Variants in RBFOX1 observed in about 807,000 individuals in gnomAD.
RBFOX1 encodes RNA binding fox-1 homolog 1.
RBFOX1 carries 8 observed loss-of-function variants against 57.7 expected under a neutral mutation model. The observed-to-expected ratio is 0.14, with a 90% confidence interval of 0.08 to 0.25. The LOEUF is 0.25. Among genes scored for constraint, RBFOX1 ranks in the 10% least tolerant of loss-of-function variants. The pLI is 1.00. For synonymous variants in RBFOX1, 326 were observed against 222.4 expected (o/e 1.47, Z -4.15); for missense variants, 611 against 548.5 (o/e 1.11, Z -1.14).
At chr16:7,485,851 C>T (rs936720806) in intron 4 of RBFOX1, among the ~76,000 whole-genome samples, 4 of 152,170 alleles carry the variant, frequency 2.6e-5, no homozygotes, top group Admixed American at 6.5e-5. Flanking sequence ...CAGCAAGTGT[C>T]GGTCTGCAGG....
intron 1 of RBFOX1, among the ~76,000 whole-genome samples, chr16:5,454,313 G>T (rs897472429): frequency 9.2e-5 from 14 of 152,182 alleles, no homozygotes; most frequent in African/African-American, 3.1e-4. Context: ...TAAACTTAGA[G>T]GCATAAAACA....
chr16:7,397,331 A>C (rs1597399493), intron 4 of RBFOX1, among the ~76,000 whole-genome samples: 1 of 152,292 alleles, frequency 6.6e-6, no homozygotes, highest in Non-Finnish European at 1.5e-5. Flanking sequence ...TTCACTTTGC[A>C]AGTGACTTTT....
chr16:6,726,417 G>C (rs1156233452), intron 3 of RBFOX1, among the ~76,000 whole-genome samples: 2 of 139,562 alleles, frequency 1.4e-5, no homozygotes, highest in Non-Finnish European at 1.6e-5. Context: ...TTTTAACTTT[G>C]CAAAGGAGAT....
At chr16:6,984,387 C>T (rs570650905) in intron 3 of RBFOX1, among the ~76,000 whole-genome samples, 1 of 152,258 alleles carries the variant, frequency 6.6e-6, no homozygotes, top group South Asian at 2.1e-4. Context: ...TCCTACAGCA[C>T]TACTGAGCAT....
chr16:6,832,237 G>A (rs2092758607), intron 3 of RBFOX1, among the ~76,000 whole-genome samples: 1 of 152,162 alleles, frequency 6.6e-6, no homozygotes, highest in South Asian at 2.1e-4. Context: ...AGTTTCTGAA[G>A]GGAACAACAC....
At chr16:7,274,323 T>G (rs1282148852) in intron 4 of RBFOX1, among the ~76,000 whole-genome samples, 3 of 152,236 alleles carry the variant, frequency 2.0e-5, no homozygotes, top group African/African-American at 7.2e-5. Context: ...ATCCCCATTT[T>G]ATTCTTGAGA....
intron 1 of RBFOX1, among the ~76,000 whole-genome samples, chr16:6,040,997 A>G (rs1477127888): frequency 2.0e-5 from 3 of 152,172 alleles, no homozygotes; most frequent in Non-Finnish European, 4.4e-5. Flanking sequence ...TGTTTTAGCT[A>G]TTATGACAGT....
rs115311619 is a variant in RBFOX1, at chr16:5,884,718, C to G, written c.351+17383C>G. Among the ~76,000 whole-genome samples, 643 of 152,190 alleles carry G rather than the reference C, an allele frequency of 4.2e-3. 2 individuals carry two copies. Among genetic ancestry groups the G allele is most frequent in the African/African-American group, 0.015 (619 of 41,528 alleles). Reference sequence around the variant, plus strand: ...TGTACTTTTGCCACAGTTGCCTGATCTGTAAATTGGAGTTGTAACAGGTGG... The same window carrying G: ...TGTACTTTTGCCACAGTTGCCTGATGTGTAAATTGGAGTTGTAACAGGTGG... On this transcript the variant is annotated intron_variant, in intron 4 of 19. Coordinates refer to the RBFOX1 transcript ENST00000641259.
In RBFOX1 at chr16:6,162,724, G is replaced by C. The variant is rs1337150144; in HGVS notation, c.-127+142732G>C. On this transcript the variant is annotated intron_variant, in intron 1 of 15. Coordinates refer to ENST00000550418, the MANE Select transcript of RBFOX1 (RefSeq NM_018723.4). ...ATGGAGGGGAATGGGCATACAATGT[G>C]CTTTTGCCTTTGTGTGTGCGTGTGT... 3.9e-5 allele frequency among the ~76,000 whole-genome samples: 6 copies of C among 152,012 alleles called. No individual in the cohort carries two copies. The East Asian group carries it at 9.7e-4, about 25-fold the overall frequency.
At chr16:5,969,568 T>A (rs1228076414) in intron 4 of RBFOX1, among the ~76,000 whole-genome samples, 3 of 150,770 alleles carry the variant, frequency 2.0e-5, no homozygotes, top group African/African-American at 7.3e-5. Context: ...ATGATCCGCC[T>A]GCCTCAACCT....
chr16:5,902,149 T>A (rs191950282), intron 4 of RBFOX1, among the ~76,000 whole-genome samples: 19 of 152,280 alleles, frequency 1.2e-4, no homozygotes, highest in African/African-American at 3.6e-4. Context: ...CTGCCATGAG[T>A]CAGAAAATAT....
intron 2 of RBFOX1, among the ~76,000 whole-genome samples, chr16:6,595,941 CTTTT>C (rs953053716): frequency 6.6e-6 from 1 of 151,866 alleles, no homozygotes; most frequent in African/African-American, 2.4e-5. Context: ...TTGTTGGAAA[CTTTT>C]TTATTAAGTT....
chr16:6,413,284 A>C (rs376002329), intron 2 of RBFOX1, among the ~76,000 whole-genome samples: 2 of 146,444 alleles, frequency 1.4e-5, no homozygotes, highest in Non-Finnish European at 3.0e-5. Context: ...GTGCCATTGC[A>C]CTCCAGCCTG....
chr16:6,344,728 T>A lies in RBFOX1; in HGVS notation c.-64+27671T>A, dbSNP rs1203493564. Among the ~76,000 whole-genome samples, 6 of 134,086 alleles carry A rather than the reference T, an allele frequency of 4.5e-5. No individual in the cohort carries two copies. The East Asian group carries it at 1.3e-3, about 30-fold the overall frequency. 88.0% of individuals were successfully genotyped at this position (134,086 alleles called of 152,430 possible). ...TTTTTTTTTTTTTGAGACTGCTCTG[T>A]CGCCAAGGCTGGAGTGCAGTGATAT... On this transcript the variant is annotated intron_variant, in intron 2 of 15. Coordinates refer to ENST00000550418, the MANE Select transcript of RBFOX1 (RefSeq NM_018723.4).
At chr16:6,185,531 A>T (rs1332104511) in intron 1 of RBFOX1, among the ~76,000 whole-genome samples, 2 of 152,184 alleles carry the variant, frequency 1.3e-5, no homozygotes, top group African/African-American at 4.8e-5. Context: ...GTCTCTTTCC[A>T]CTGCATCCTT....
At chr16:6,989,906 C>A (rs552094176) in intron 3 of RBFOX1, among the ~76,000 whole-genome samples, 29 of 152,102 alleles carry the variant, frequency 1.9e-4, no homozygotes, top group African/African-American at 7.0e-4. Flanking sequence ...GAGTCTGAGA[C>A]GGGAGAATTG....
intron 2 of RBFOX1, among the ~76,000 whole-genome samples, chr16:6,456,966 G>T (rs564875049): frequency 1.4e-4 from 22 of 152,272 alleles, no homozygotes; most frequent in African/African-American, 5.3e-4. Flanking sequence ...ATGTTTGGAA[G>T]ACACTTAGGA....
intron 12 of RBFOX1, among the ~76,000 whole-genome samples, chr16:7,660,430 C>T (rs998533232): frequency 7.2e-5 from 11 of 151,960 alleles, no homozygotes; most frequent in Admixed American, 2.0e-4. Context: ...ATAGCTGCAC[C>T]GCAGACATGG....
At chr16:6,896,610 C>T (rs1364171941) in intron 3 of RBFOX1, among the ~76,000 whole-genome samples, 1 of 152,136 alleles carries the variant, frequency 6.6e-6, no homozygotes, top group Non-Finnish European at 1.5e-5. Context: ...TCATCCTCTG[C>T]TATGTAATCT....
Sources: gnomAD v4.1 joint callset for allele counts (sites outside exome capture counted in the v4.1 genomes callset) on GRCh38, gnomAD v4.1.1 for gene constraint, MANE v1.5 for transcripts, NCBI Gene and HGNC (gene_info 2026-07-23, HGNC 2026-07-21) for gene names.